The following ZSCAN25 variants were observed in gnomAD, a reference collection of about 807,000 sequenced individuals.
ZSCAN25 encodes zinc finger and SCAN domain containing 25.
Under a neutral mutation model 38.7 loss-of-function variants are expected in ZSCAN25, and 27 were observed. The ratio of observed to expected loss-of-function variants is 0.70; its 90% CI spans 0.51 to 0.96. ZSCAN25 has a LOEUF of 0.96. Among genes scored for constraint, ZSCAN25 ranks in the 40% least tolerant of loss-of-function variants. The pLI is 0.00. For synonymous variants in ZSCAN25, 273 were observed against 277.7 expected (o/e 0.98, Z 0.17); for missense variants, 637 against 705.9 (o/e 0.90, Z 1.11).
chr7:99,651,316 A>G, the ZSCAN25 span, among the ~76,000 whole-genome samples: 5 of 152,246 alleles, frequency 3.3e-5, 1 homozygote, highest in East Asian at 9.6e-4. Flanking sequence ...TGTAAATCAT[A>G]TGGATTTATG....
the ZSCAN25 span, among the ~76,000 whole-genome samples, chr7:99,736,219 A>G: frequency 3.3e-5 from 5 of 152,110 alleles, no homozygotes; most frequent in Non-Finnish European, 7.4e-5. Context: ...AGTAGGGGAG[A>G]AAGAAGAGAA....
chr7:99,618,946 T>A (rs1291055899), intron 2 of ZSCAN25, 102 bp from the exon 3 acceptor site: 1 of 152,248 alleles, frequency 6.6e-6, no homozygotes, highest in African/African-American at 2.4e-5. Context: ...AATGACTGAC[T>A]CATTCTCATC....
the ZSCAN25 span, among the ~76,000 whole-genome samples, chr7:99,662,415 C>T: frequency 9.2e-5 from 14 of 152,286 alleles, no homozygotes; most frequent in African/African-American, 1.7e-4. This position sits in a 1 kb window ranked among gnomAD's most constrained non-coding sequence, Gnocchi z 4.3. Flanking sequence ...ATTAACCTTG[C>T]GAACACACTT....
chr7:99,620,181 T>G, intron 4 of ZSCAN25, 188 bp downstream of exon 4: 1 of 813,558 alleles, frequency 1.2e-6, no homozygotes, highest in Admixed American at 3.0e-5. Flanking sequence ...CCAGGGGAGA[T>G]GCTGCCATGC....
the ZSCAN25 span, among the ~76,000 whole-genome samples, chr7:99,649,584 A>G: frequency 6.6e-6 from 1 of 152,194 alleles, no homozygotes; most frequent in African/African-American, 2.4e-5. Context: ...CGACAGCATG[A>G]CAGAACCTAG....
chr7:99,709,378 G>A, the ZSCAN25 span: 3 of 1,444,252 alleles, frequency 2.1e-6, no homozygotes, highest in Non-Finnish European at 2.8e-6. Context: ...ACTGGCAAAG[G>A]ATTGTAGCAT....
At chr7:99,721,502 T>C in the ZSCAN25 span, among the ~76,000 whole-genome samples, 2 of 152,050 alleles carry the variant, frequency 1.3e-5, no homozygotes, top group African/African-American at 4.8e-5. Flanking sequence ...ATGCATGTGA[T>C]AAAAGGGCAT....
rs568993371 is a variant in ZSCAN25, at chr7:99,629,484, C to A, written c.1099C>A (p.Gln367Lys). The A allele has an allele frequency of 3.7e-6, 6 of 1,614,230 alleles. No homozygotes were observed. The South Asian group carries it at 5.5e-5, about 15-fold the overall frequency. Residue 367 changes from glutamine to lysine, a missense_variant, in exon 8 of 8, where the codon CAG (glutamine) becomes AAG (lysine). Coordinates refer to ENST00000394152, the MANE Select transcript of ZSCAN25 (RefSeq NM_145115.3). The surrounding 1 kb of genome is among the most constrained non-coding windows in gnomAD (Gnocchi z 5.6). ...FSRSSNLVRH[Q>K]RTHEEKSYGC... ...TCGGAGCTCCAATCTCGTCAGGCACCAGCGAACCCACGAAGAGAAGTCTTA... is the reference window on the plus strand; with the variant it reads ...TCGGAGCTCCAATCTCGTCAGGCACAAGCGAACCCACGAAGAGAAGTCTTA...
At chr7:99,657,544 A>C in the ZSCAN25 span, among the ~76,000 whole-genome samples, 1 of 152,206 alleles carries the variant, frequency 6.6e-6, no homozygotes, top group African/African-American at 2.4e-5. Context: ...TGGTGCTGAA[A>C]AGAATGTATA....
chr7:99,663,991 T>C, the ZSCAN25 span: 5 of 1,591,232 alleles, frequency 3.1e-6, no homozygotes, highest in East Asian at 1.1e-4. Flanking sequence ...TTGAGGCGAC[T>C]TTTCTTCATT....
the ZSCAN25 span, among the ~76,000 whole-genome samples, chr7:99,694,713 A>G: frequency 0.018 from 2,805 of 152,122 alleles, 81 homozygotes; most frequent in African/African-American, 0.064. Flanking sequence ...AAGAATTGGA[A>G]TCAGGGAAAC....
At chr7:99,681,974 G>A in the ZSCAN25 span, among the ~76,000 whole-genome samples, 39 of 151,856 alleles carry the variant, frequency 2.6e-4, no homozygotes, top group Non-Finnish European at 4.9e-4. Flanking sequence ...TTGTTTTTTT[G>A]TTTTTTGTTT....
chr7:99,717,399 A>G, the ZSCAN25 span: 2 of 1,590,480 alleles, frequency 1.3e-6, no homozygotes, highest in East Asian at 2.3e-5. Flanking sequence ...GTACATAAAA[A>G]GACTATTTTT....
intron 7 of ZSCAN25, among the ~76,000 whole-genome samples, chr7:99,625,092 G>A (rs1054104607): frequency 1.3e-5 from 2 of 152,184 alleles, no homozygotes; most frequent in African/African-American, 4.8e-5. Context: ...CAGGACGTAA[G>A]AGAATCCATC....
chr7:99,626,828 A>G (rs1219143406), intron 7 of ZSCAN25, among the ~76,000 whole-genome samples: 1 of 152,312 alleles, frequency 6.6e-6, no homozygotes, highest in East Asian at 1.9e-4. Context: ...AAGGTGGTGA[A>G]TGTAAGGCTC....
the ZSCAN25 span, among the ~76,000 whole-genome samples, chr7:99,687,334 G>A: frequency 2.6e-3 from 391 of 152,352 alleles, 1 homozygote; most frequent in African/African-American, 9.1e-3. Context: ...TAAAGGAGCT[G>A]ATGGAGCTGA....
downstream of ZSCAN25, among the ~76,000 whole-genome samples, chr7:99,632,989 G>GTTTTTTTTTTTTTTTTTTT (rs751799800): frequency 2.3e-5 from 3 of 128,528 alleles, no homozygotes; most frequent in African/African-American, 9.0e-5. Flanking sequence ...ATTTTCTGTT[G>GTTTTTTTTTTTTTTTTTTT]TTTTTTTTTT....
At chr7:99,697,363 G>C in the ZSCAN25 span, among the ~76,000 whole-genome samples, 1 of 152,166 alleles carries the variant, frequency 6.6e-6, no homozygotes. Context: ...GAAGAAGAAA[G>C]GCTGATGGCA....
the ZSCAN25 span, among the ~76,000 whole-genome samples, chr7:99,692,487 T>G: frequency 1.5e-3 from 234 of 152,280 alleles, no homozygotes; most frequent in African/African-American, 5.2e-3. Context: ...TCCTGAAGAG[T>G]GTTTTCTGAC....
Sources: allele counts gnomAD v4.1 joint callset (sites outside exome capture counted in the v4.1 genomes callset), GRCh38; gene constraint gnomAD v4.1.1; non-coding constraint Gnocchi (gnomAD v3.1); transcripts MANE v1.5; gene names NCBI Gene and HGNC (gene_info 2026-07-23, HGNC 2026-07-21).